Variants in STK24 observed in about 807,000 individuals in gnomAD.
The protein encoded by STK24 is serine/threonine kinase 24.
In STK24, 21 loss-of-function variants were observed where a neutral mutation model predicts 55.6. The ratio of observed to expected loss-of-function variants is 0.38; its 90% CI spans 0.27 to 0.54. STK24 has a LOEUF of 0.54. Among genes scored for constraint, STK24 ranks in the 20% least tolerant of loss-of-function variants. STK24 has a pLI of 0.79. For missense variants in STK24, 383 were observed against 538.4 expected, an observed-to-expected ratio of 0.71 and a Z score of 2.86; for synonymous variants, 200 against 215.2, an observed-to-expected ratio of 0.93 and a Z score of 0.62.
At chr13:98,494,061 C>T (rs991293689) in intron 2 of STK24, among the ~76,000 whole-genome samples, 1 of 147,960 alleles carries the variant, frequency 6.8e-6, no homozygotes, top group Non-Finnish European at 1.5e-5. Context: ...CCAGGATGGT[C>T]TCGATCTCCT....
chr13:98,531,414 C>A (rs1896576151), intron 1 of STK24, among the ~76,000 whole-genome samples: 1 of 152,312 alleles, frequency 6.6e-6, no homozygotes, highest in East Asian at 1.9e-4. Flanking sequence ...AAAAACCTGT[C>A]ATGGTCGAAA....
intron 2 of STK24, among the ~76,000 whole-genome samples, chr13:98,513,616 AAG>A (rs1895958792): frequency 6.6e-6 from 1 of 152,182 alleles, no homozygotes; most frequent in South Asian, 2.1e-4. Context: ...CAGACTGCAC[AAG>A]AGTTTCTCCA....
chr13:98,520,312 T>C (rs1318720789), intron 1 of STK24, among the ~76,000 whole-genome samples: 1 of 152,114 alleles, frequency 6.6e-6, no homozygotes, highest in East Asian at 1.9e-4. Flanking sequence ...CACAAATAAC[T>C]GCCCAGCTCA....
At chr13:98,528,068 G>C (rs1566387663) in intron 1 of STK24, among the ~76,000 whole-genome samples, 2 of 152,052 alleles carry the variant, frequency 1.3e-5, no homozygotes, top group Non-Finnish European at 2.9e-5. Flanking sequence ...TCTCCATCAG[G>C]CTGACCCCTG....
At chr13:98,572,719 A>C (rs1897774941) in intron 1 of STK24, among the ~76,000 whole-genome samples, 1 of 152,248 alleles carries the variant, frequency 6.6e-6, no homozygotes, top group African/African-American at 2.4e-5. Flanking sequence ...GATGTTAACA[A>C]GACAAACTTC....
At chr13:98,523,614 C>T (rs1594638339) in intron 1 of STK24, among the ~76,000 whole-genome samples, 1 of 152,196 alleles carries the variant, frequency 6.6e-6, no homozygotes, top group African/African-American at 2.4e-5. Context: ...GTCAGAAAGA[C>T]AATGACATCC....
At chr13:98,495,655 C>T (rs1206327198) in intron 2 of STK24, among the ~76,000 whole-genome samples, 1 of 152,188 alleles carries the variant, frequency 6.6e-6, no homozygotes, top group East Asian at 1.9e-4. Context: ...TACACTAGGA[C>T]AGTGTGTTCA....
intron 1 of STK24, among the ~76,000 whole-genome samples, chr13:98,533,835 G>A (rs541824230): frequency 2.6e-5 from 4 of 152,052 alleles, no homozygotes; most frequent in South Asian, 4.2e-4. Flanking sequence ...TTGAAGCTCC[G>A]CAAGGTCACA....
At chr13:98,573,187 C>G (rs1230671175) in intron 1 of STK24, among the ~76,000 whole-genome samples, 2 of 152,148 alleles carry the variant, frequency 1.3e-5, no homozygotes, top group African/African-American at 4.8e-5. Context: ...TGTTTTTGAT[C>G]CTGATGTAAA....
At position 98,466,430 on chromosome 13, in the gene STK24, G is replaced by A. The variant is rs1893928942; in HGVS notation, c.729C>T (p.Tyr243=). 1 of 1,613,540 alleles carries A rather than the reference G, an allele frequency of 6.2e-7. No homozygotes were observed. Among genetic ancestry groups the A allele is most frequent in the South Asian group, 1.1e-5 (1 of 91,054 alleles). Reference sequence around the variant, plus strand: ...CCACAAACTCCTTGAGGGGTTTACTGTAGTTTCCTTCCAACGTCGGTGGGT... The same window carrying A: ...CCACAAACTCCTTGAGGGGTTTACTATAGTTTCCTTCCAACGTCGGTGGGT... ...KNNPPTLEGN[Y]SKPLKEFVEA... The change falls in exon 6 of 11, where the codon TAC becomes TAT. Residue 243 remains tyrosine (Y), a synonymous_variant. Coordinates refer to ENST00000539966, the MANE Select transcript of STK24 (RefSeq NM_001032296.4).
rs530896440 is a variant in STK24, at chr13:98,562,361, C to T, written c.42+14384G>A. ...TCTTTTATAGACCATGTACGCATAA[C>T]GGGGCCAGGGTAGGAAACGGGACTC... On this transcript the variant is annotated intron_variant, in intron 1 of 10. Coordinates refer to ENST00000539966, the MANE Select transcript of STK24 (RefSeq NM_001032296.4). 1.6e-3 allele frequency among the ~76,000 whole-genome samples: 244 copies of T among 152,254 alleles called. 1 individual carries two copies. The highest frequency in any genetic ancestry group is 4.1e-3 in the African/African-American group (170 of 41,542).
At chr13:98,514,095 G>A (rs1024260236) in intron 2 of STK24, among the ~76,000 whole-genome samples, 1 of 152,258 alleles carries the variant, frequency 6.6e-6, no homozygotes, top group Non-Finnish European at 1.5e-5. Context: ...GCAAGGCTGA[G>A]AATCACGGTG....
At chr13:98,531,525 AGTCAGATCCTGGG>A (rs1014910960) in intron 1 of STK24, among the ~76,000 whole-genome samples, 2 of 152,182 alleles carry the variant, frequency 1.3e-5, no homozygotes, top group African/African-American at 2.4e-5. Context: ...GGACTCCCCC[AGTCAGATCCTGGG>A]GCTCCACACA....
At chr13:98,461,951 G>T in intron 7 of STK24, 54 bp from the exon 8 acceptor site, 1 of 1,601,506 alleles carries the variant, frequency 6.2e-7, no homozygotes, top group Non-Finnish European at 8.5e-7. Flanking sequence ...TGCTCTGGGG[G>T]CGCTGGGACG....
chr13:98,576,349 C>A (rs1217223002), intron 1 of STK24: 2 of 445,936 alleles, frequency 4.5e-6, no homozygotes, highest in Non-Finnish European at 3.0e-6. Flanking sequence ...CCTCCGCCAA[C>A]CCGGCCACCA....
intron 5 of STK24, among the ~76,000 whole-genome samples, chr13:98,472,244 C>T (rs1169995633): frequency 6.6e-6 from 1 of 152,236 alleles, no homozygotes; most frequent in Admixed American, 6.5e-5. Flanking sequence ...ACGTGACCCT[C>T]ATCGGCCCTC....
intron 1 of STK24, among the ~76,000 whole-genome samples, chr13:98,543,853 G>A (rs577922950): frequency 1.1e-3 from 173 of 152,246 alleles, no homozygotes; most frequent in Non-Finnish European, 1.9e-3. Flanking sequence ...CGGCAGACTC[G>A]GTCACCCACA....
chr13:98,514,988 G>A (rs1021490945), intron 2 of STK24, among the ~76,000 whole-genome samples: 131 of 151,448 alleles, frequency 8.6e-4, no homozygotes, highest in African/African-American at 3.0e-3. Flanking sequence ...CCCAAACAGC[G>A]ACCAGTTGAG....
rs775891214 is a variant in STK24 at position 98,457,310 on chromosome 13, AACAC to A, written c.1123-10_1123-7del. 1 of 1,614,020 alleles carries A rather than the reference AACAC, an allele frequency of 6.2e-7. No individual in the cohort carries two copies. Among genetic ancestry groups the A allele is most frequent in the Non-Finnish European group, 8.5e-7 (1 of 1,180,026 alleles). On this transcript the variant is annotated splice_polypyrimidine_tract_variant and splice_region_variant and intron_variant, in intron 9 of 10. Transcript: ENST00000539966. ...GCCTGGCTCTTCTCCTTCAACTGAA[AACAC>A]ACGAACAGGAAGAATGGCATGAAGC...
Sources: allele counts gnomAD v4.1 joint callset (sites outside exome capture counted in the v4.1 genomes callset), GRCh38; gene constraint gnomAD v4.1.1; transcripts MANE v1.5; gene names NCBI Gene and HGNC (gene_info 2026-07-23, HGNC 2026-07-21).